NAA11: variants seen among roughly 807,000 people sequenced by gnomAD.
NAA11 encodes N-alpha-acetyltransferase 11, NatA catalytic subunit.
NAA11 carries 15 observed loss-of-function variants against 16.1 expected under a neutral mutation model. The ratio of observed to expected loss-of-function variants is 0.93; its 90% confidence interval spans 0.62 to 1.44. The LOEUF (loss-of-function observed/expected upper bound fraction) is 1.44, where lower values mean the gene tolerates loss of function less well. Among genes scored for constraint, NAA11 ranks in the 40% most tolerant of loss-of-function variants. The probability of loss-of-function intolerance (pLI) is 0.00; values close to 1 mark genes in which losing one functional copy is unlikely to be tolerated. For synonymous variants in NAA11, 122 were observed against 112.4 expected, an observed-to-expected ratio of 1.09 and a Z score of -0.54; for missense variants, 298 against 291.3, an observed-to-expected ratio of 1.02 and a Z score of -0.17.
chr4:79,226,717 TG>T (rs1299874954), intron 2 of NAA11, among the ~76,000 whole-genome samples: 4 of 151,854 alleles, frequency 2.6e-5, no homozygotes, highest in Non-Finnish European at 5.9e-5. Context: ...CTGAGAATGT[TG>T]GTTTCCAGCT....
intron 2 of NAA11, among the ~76,000 whole-genome samples, chr4:79,283,660 T>C (rs911127995): frequency 2.0e-4 from 30 of 152,058 alleles, no homozygotes; most frequent in African/African-American, 6.5e-4. Flanking sequence ...TTCAAACATA[T>C]AGAGAAGCAG....
intron 2 of NAA11, among the ~76,000 whole-genome samples, chr4:79,263,882 T>A (rs1722289285): frequency 1.3e-5 from 2 of 152,174 alleles, no homozygotes; most frequent in Non-Finnish European, 2.9e-5. Flanking sequence ...GAAGACAACC[T>A]TCACATGCTT....
chr4:79,167,670 A>G, the NAA11 span, among the ~76,000 whole-genome samples: 1 of 152,172 alleles, frequency 6.6e-6, no homozygotes, highest in African/African-American at 2.4e-5. Flanking sequence ...TAAGTTATCA[A>G]GAAAAGAGGT....
chr4:79,299,445 G>A (rs1250501339), intron 1 of NAA11: 5 of 152,264 alleles, frequency 3.3e-5, no homozygotes, highest in Middle Eastern at 3.4e-3. Flanking sequence ...CATTTGTCCA[G>A]CAGAAAGAGA....
chr4:79,280,981 G>T (rs1722772371), intron 2 of NAA11, among the ~76,000 whole-genome samples: 1 of 151,978 alleles, frequency 6.6e-6, no homozygotes, highest in Non-Finnish European at 1.5e-5. Context: ...AGTGATATAA[G>T]AATAGTGTTT....
chr4:79,312,338 T>C (rs1723796089), downstream of NAA11, among the ~76,000 whole-genome samples: 2 of 152,010 alleles, frequency 1.3e-5, no homozygotes, highest in Non-Finnish European at 2.9e-5. Context: ...TTACTAATGT[T>C]TTATTTATTT....
intron 2 of NAA11, among the ~76,000 whole-genome samples, chr4:79,287,607 T>G (rs1035409374): frequency 2.0e-5 from 3 of 152,046 alleles, no homozygotes; most frequent in Non-Finnish European, 4.4e-5. Context: ...ACACAGCTCT[T>G]GAATCAAGAA....
At chr4:79,304,588 AATG>A (rs1300437070) in intron 1 of NAA11, among the ~76,000 whole-genome samples, 5 of 152,226 alleles carry the variant, frequency 3.3e-5, no homozygotes, top group African/African-American at 9.6e-5. Context: ...CCAATGAGAT[AATG>A]ATATTAAATT....
chr4:79,222,008 A>G (rs1721198259), downstream of NAA11, among the ~76,000 whole-genome samples: 1 of 142,192 alleles, frequency 7.0e-6, no homozygotes, highest in Non-Finnish European at 1.5e-5. Flanking sequence ...CTGGTCCTGG[A>G]CTCTTTTTGG....
At chr4:79,308,111 A>T (rs1223369439) in intron 1 of NAA11, among the ~76,000 whole-genome samples, 1 of 152,220 alleles carries the variant, frequency 6.6e-6, no homozygotes, top group Middle Eastern at 3.2e-3. Flanking sequence ...AAAAATCCTC[A>T]TTAATGTATG....
At chr4:79,192,634 G>A in the NAA11 span, among the ~76,000 whole-genome samples, 3 of 151,886 alleles carry the variant, frequency 2.0e-5, no homozygotes, top group Non-Finnish European at 4.4e-5. Flanking sequence ...TCATTGTTGG[G>A]CATTTAGGTT....
the NAA11 span, among the ~76,000 whole-genome samples, chr4:79,219,140 G>T: frequency 6.6e-6 from 1 of 152,054 alleles, no homozygotes; most frequent in African/African-American, 2.4e-5. Flanking sequence ...ATTGAAACAA[G>T]ATTTTAAAAA....
At chr4:79,186,861 T>C in the NAA11 span, among the ~76,000 whole-genome samples, 3 of 152,230 alleles carry the variant, frequency 2.0e-5, no homozygotes, top group African/African-American at 7.2e-5. Context: ...CCACTGAACA[T>C]TGAAATGCAT....
At chr4:79,308,886 T>C (rs1280389838) in intron 1 of NAA11, 2 of 152,196 alleles carry the variant, frequency 1.3e-5, no homozygotes, top group African/African-American at 4.8e-5. Flanking sequence ...CTTATAGTTA[T>C]ATAGTCCAAG....
chr4:79,205,234 A>G, the NAA11 span, among the ~76,000 whole-genome samples: 1 of 151,968 alleles, frequency 6.6e-6, no homozygotes, highest in Non-Finnish European at 1.5e-5. Flanking sequence ...GTTCTTTGAG[A>G]AATCTCCACA....
chr4:79,177,649 C>T, the NAA11 span, among the ~76,000 whole-genome samples: 3 of 151,896 alleles, frequency 2.0e-5, no homozygotes, highest in Non-Finnish European at 4.4e-5. Flanking sequence ...GTTTTGTATC[C>T]CATGAGATTT....
At chr4:79,299,355 G>C (rs1005946597) in intron 1 of NAA11, 3 of 152,194 alleles carry the variant, frequency 2.0e-5, no homozygotes, top group African/African-American at 7.2e-5. Flanking sequence ...ATTTCTGAAA[G>C]ACGGAGAAGT....
At chr4:79,159,063 C>T in the NAA11 span, among the ~76,000 whole-genome samples, 1 of 152,074 alleles carries the variant, frequency 6.6e-6, no homozygotes, top group Admixed American at 6.6e-5. Context: ...AAAGCAAATG[C>T]AAGAAAAGCA....
At chr4:79,174,791 G>A in the NAA11 span, among the ~76,000 whole-genome samples, 7 of 152,056 alleles carry the variant, frequency 4.6e-5, no homozygotes, top group Non-Finnish European at 8.8e-5. Flanking sequence ...TTTACATAAA[G>A]GCAGGAGGTA....
Sources: allele counts gnomAD v4.1 joint callset (sites outside exome capture counted in the v4.1 genomes callset), GRCh38; gene constraint gnomAD v4.1.1; transcripts MANE v1.5; gene names NCBI Gene and HGNC (gene_info 2026-07-23, HGNC 2026-07-21).